SDK2: variants seen among roughly 807,000 people sequenced by gnomAD.
SDK2 encodes the protein protein sidekick-2.
A neutral mutation model predicts 253.9 loss-of-function variants in SDK2; 105 were observed. The ratio of observed to expected loss-of-function variants is 0.41; its 90% CI spans 0.35 to 0.49. The LOEUF (loss-of-function observed/expected upper bound fraction) is 0.49. Ranked by LOEUF, SDK2 falls within the 20% of genes least tolerant of loss-of-function variation. SDK2 has a pLI of 0.06. For missense variants in SDK2, 2,608 were observed against 3,003.0 expected, an observed-to-expected ratio of 0.87 and a Z score of 3.07; for synonymous variants, 1,249 against 1,234.9, an observed-to-expected ratio of 1.01 and a Z score of -0.24.
At chr17:73,412,045 T>TGTATATACGTATATGTATATATAC in intron 18 of SDK2, among the ~76,000 whole-genome samples, 1 of 4,874 alleles carries the variant, frequency 2.1e-4, no homozygotes, top group African/African-American at 4.1e-4. Flanking sequence ...CGTATATATA[T>TGTATATACGTATATGTATATATAC]GTATATACGT....
At chr17:73,385,033 C>A (rs933482106) in intron 32 of SDK2, among the ~76,000 whole-genome samples, 1 of 152,176 alleles carries the variant, frequency 6.6e-6, no homozygotes, top group East Asian at 1.9e-4. Context: ...CTGGGGGGAC[C>A]CTCCTGGCTT....
At chr17:73,558,729 G>C in intron 1 of SDK2, among the ~76,000 whole-genome samples, 1 of 152,114 alleles carries the variant, frequency 6.6e-6, no homozygotes, top group Middle Eastern at 3.2e-3. Flanking sequence ...CAGTGCCCAA[G>C]TTAACAGAAC....
intron 33 of SDK2, 95 bp from the exon 34 acceptor site, chr17:73,381,045 G>A: frequency 1.3e-6 from 1 of 742,414 alleles, no homozygotes; most frequent in African/African-American, 1.7e-5. Context: ...AGAAACCCCG[G>A]CCAGGCGGGG....
rs2062638145 is a variant in SDK2 at position 73,361,336 on chromosome 17, G to T, written c.5467+348C>A. Among the ~76,000 whole-genome samples the T allele has an allele frequency of 6.6e-6, 1 of 152,234 alleles. No homozygotes were observed. The highest frequency in any genetic ancestry group is 2.4e-5 in the African/African-American group (1 of 41,464). On this transcript the variant is annotated intron_variant, in intron 39 of 44. Coordinates refer to ENST00000392650, the MANE Select transcript of SDK2 (RefSeq NM_001144952.2). This position sits in a 1 kb window ranked among gnomAD's most constrained non-coding sequence, Gnocchi z 4.1. ...GGCGAAAGGCAGGGGCACCTGCCAG[G>T]CTGCATCCTTCCAGGACGGAAGTAA...
At chr17:73,420,341 G>A (rs909159301) in intron 15 of SDK2, among the ~76,000 whole-genome samples, 6 of 152,160 alleles carry the variant, frequency 3.9e-5, no homozygotes, top group South Asian at 2.1e-4. Flanking sequence ...GCTCGCTCCC[G>A]TGTTTTATTT....
chr17:73,563,685 C>A (rs1234721059), intron 1 of SDK2, among the ~76,000 whole-genome samples: 6 of 152,098 alleles, frequency 3.9e-5, no homozygotes, highest in Non-Finnish European at 8.8e-5. Flanking sequence ...CTGAAAGGGT[C>A]AATTTTAGGT....
chr17:73,395,401 G>A lies in SDK2; in HGVS notation c.3355-9C>T. 6 of 1,610,042 alleles carry A rather than the reference G, an allele frequency of 3.7e-6. No homozygotes were observed. The highest frequency in any genetic ancestry group is 5.1e-6 in the Non-Finnish European group (6 of 1,176,604). ...TCCATCTCCGGGAGAGGCTGCAGCG[G>A]GGCAGGGGTGGCAAAGCTGCTATGA... is the stretch of plus-strand genomic sequence containing the variant. On this transcript the variant is annotated splice_polypyrimidine_tract_variant and intron_variant, in intron 24 of 44. Transcript: ENST00000392650. The surrounding 1 kb of genome is among the most constrained non-coding windows in gnomAD (Gnocchi z 4.3).
In SDK2 at chr17:73,389,736, T is replaced by C. The variant is rs529092780; in HGVS notation, c.4192+551A>G. On this transcript the variant is annotated intron_variant, in intron 29 of 44. Coordinates refer to ENST00000392650, the MANE Select transcript of SDK2 (RefSeq NM_001144952.2). Reference sequence around the variant, plus strand: ...AGTGGGGAGGGGAGAGGGAAGATGGTCACTAACCCTCCCTTAATTAATTAA... The same window carrying C: ...AGTGGGGAGGGGAGAGGGAAGATGGCCACTAACCCTCCCTTAATTAATTAA... Among the ~76,000 whole-genome samples the C allele has an allele frequency of 7.2e-5, 11 of 152,106 alleles. No individual in the cohort carries two copies. The East Asian group carries it at 2.1e-3, about 30-fold the overall frequency.
intron 40 of SDK2, among the ~76,000 whole-genome samples, chr17:73,353,261 A>G (rs1244341129): frequency 6.6e-6 from 1 of 152,222 alleles, no homozygotes. Context: ...AACACTATGG[A>G]TTCTGTCTTC....
Position 73,423,945 on chromosome 17 carries a change from G to A in SDK2, c.1731C>T (p.Asn577=), listed in dbSNP as rs148009185. 129 of 1,597,406 alleles carry A rather than the reference G, an allele frequency of 8.1e-5. No individual in the cohort carries two copies. The highest frequency in any genetic ancestry group is 8.5e-5 in the Non-Finnish European group (100 of 1,172,486). ...CTCGCAGGTGGGCACTGCGAGAGTCGTTGCCTCCTGCTGAGATCACCCGGC... is the reference window on the plus strand; with the variant it reads ...CTCGCAGGTGGGCACTGCGAGAGTCATTGCCTCCTGCTGAGATCACCCGGC... ...YTCRVISAGG[N]DSRSAHLRVR... The change falls in exon 13 of 45, where the codon AAC becomes AAT. Residue 577 remains asparagine, a synonymous_variant. Transcript: ENST00000392650.
chr17:73,349,575 G>C (rs1343082004), intron 43 of SDK2, among the ~76,000 whole-genome samples: 5 of 152,236 alleles, frequency 3.3e-5, no homozygotes, highest in African/African-American at 9.6e-5. Flanking sequence ...ACAGGGAGTA[G>C]GGCCTAGGAG....
chr17:73,364,338 A>T (rs1004805769), intron 38 of SDK2, among the ~76,000 whole-genome samples: 7 of 152,162 alleles, frequency 4.6e-5, no homozygotes, highest in Non-Finnish European at 1.0e-4. Context: ...AGGGGTCAGA[A>T]GACCAGTCAG....
At chr17:73,479,819 T>C (rs1555587441) in intron 2 of SDK2, among the ~76,000 whole-genome samples, 1 of 152,206 alleles carries the variant, frequency 6.6e-6, no homozygotes, top group Non-Finnish European at 1.5e-5. Context: ...GCCTCCCAAG[T>C]AGCTGGGATT....
rs1599484683 is a variant in SDK2 at position 73,361,926 on chromosome 17, T to G, written c.5306-81A>C. The G allele has an allele frequency of 1.4e-6, 2 of 1,415,322 alleles. No homozygotes were observed. Among genetic ancestry groups the G allele is most frequent in the African/African-American group, 1.4e-5 (1 of 70,130 alleles). 87.7% of individuals were successfully genotyped at this position (1,415,322 alleles called of 1,614,324 possible). ...GGCCATGGGGAAGGGGAAGCGGCCGTGGCCTGGGCCCCGGGACCCTGGGTA... is the reference window on the plus strand; with the variant it reads ...GGCCATGGGGAAGGGGAAGCGGCCGGGGCCTGGGCCCCGGGACCCTGGGTA... On this transcript the variant is annotated intron_variant, in intron 38 of 44. Transcript: ENST00000392650. The surrounding 1 kb of genome is among the most constrained non-coding windows in gnomAD (Gnocchi z 4.1).
chr17:73,371,997 G>C (rs2062738063), intron 36 of SDK2, among the ~76,000 whole-genome samples: 1 of 151,558 alleles, frequency 6.6e-6, no homozygotes, highest in African/African-American at 2.4e-5. Context: ...GGCATAAAAA[G>C]AGGAAACATA....
rs573134914 is a variant in SDK2 at position 73,437,830 on chromosome 17, A to C, written c.917-8T>G. 93 of 1,613,690 alleles carry C rather than the reference A, an allele frequency of 5.8e-5. No homozygotes were observed. The African/African-American group carries it at 1.1e-3, about 18-fold the overall frequency. ...TGACAAACTGAGGCGGTTCTGCAGGAGGAAGGACCAGGGGAGGGGGTCAGA... is the reference window on the plus strand; with the variant it reads ...TGACAAACTGAGGCGGTTCTGCAGGCGGAAGGACCAGGGGAGGGGGTCAGA... On this transcript the variant is annotated splice_region_variant and splice_polypyrimidine_tract_variant and intron_variant, in intron 7 of 44. Transcript: ENST00000392650.
At chr17:73,412,106 ACGTATATATG>A in intron 18 of SDK2, among the ~76,000 whole-genome samples, 1 of 54,738 alleles carries the variant, frequency 1.8e-5, no homozygotes, top group African/African-American at 5.4e-5. Context: ...ATATATGTAT[ACGTATATATG>A]TATACGTATA....
At chr17:73,479,532 G>A (rs1382216853) in intron 2 of SDK2, among the ~76,000 whole-genome samples, 4 of 152,086 alleles carry the variant, frequency 2.6e-5, no homozygotes, top group African/African-American at 7.2e-5. Context: ...TGTCCAGGGC[G>A]ATCAAAAGGG....
At chr17:73,349,572 G>A (rs1038003555) in intron 43 of SDK2, among the ~76,000 whole-genome samples, 6 of 152,248 alleles carry the variant, frequency 3.9e-5, no homozygotes, top group Admixed American at 3.3e-4. Flanking sequence ...GCCACAGGGA[G>A]TAGGGCCTAG....
Sources: gnomAD v4.1 joint callset for allele counts (sites outside exome capture counted in the v4.1 genomes callset) on GRCh38, gnomAD v4.1.1 for gene constraint, Gnocchi (gnomAD v3.1) non-coding constraint, MANE v1.5 for transcripts, NCBI Gene and HGNC (gene_info 2026-07-23, HGNC 2026-07-21) for gene names.